Variants in PLAC8 observed in about 807,000 individuals in gnomAD.
PLAC8 encodes placenta associated 8, also known as placenta-specific gene 8 protein.
PLAC8 carries 6 observed loss-of-function variants against 12.6 expected under a neutral mutation model. The observed-to-expected ratio is 0.48, with a 90% confidence interval of 0.26 to 0.94. The LOEUF is 0.94. PLAC8 is among the 40% of genes least tolerant of loss of function. The probability of loss-of-function intolerance (pLI) is 0.14; values close to 1 mark genes in which losing one functional copy is unlikely to be tolerated. For synonymous variants in PLAC8, 54 were observed against 52.6 expected, an observed-to-expected ratio of 1.03 and a Z score of -0.11; for missense variants, 122 against 152.7, an observed-to-expected ratio of 0.80 and a Z score of 1.06.
At chr4:83,108,901 C>T (rs1283419323) in intron 1 of PLAC8, among the ~76,000 whole-genome samples, 1 of 152,202 alleles carries the variant, frequency 6.6e-6, no homozygotes, top group Non-Finnish European at 1.5e-5. Context: ...CCAGTCTTCC[C>T]ACTTCCTGAC....
chr4:83,112,186 A>AATT (rs1732436651), intron 1 of PLAC8, among the ~76,000 whole-genome samples: 4 of 106,636 alleles, frequency 3.8e-5, no homozygotes, highest in African/African-American at 1.5e-4. Context: ...AAAAAAAAAA[A>AATT]TTTATATATA....
At chr4:83,105,505 C>T (rs1732212853) in intron 2 of PLAC8, among the ~76,000 whole-genome samples, 1 of 152,148 alleles carries the variant, frequency 6.6e-6, no homozygotes, top group Non-Finnish European at 1.5e-5. Flanking sequence ...AGGAAAAGAG[C>T]CTCTTCGAGG....
chr4:83,092,563 T>C (rs1287888741), intron 4 of PLAC8, among the ~76,000 whole-genome samples: 3 of 150,950 alleles, frequency 2.0e-5, no homozygotes, highest in Non-Finnish European at 3.0e-5. Flanking sequence ...TTCTAAAGAG[T>C]AGTTCTATTC....
rs746946096 is a variant in PLAC8 at position 83,094,680 on chromosome 4, T to C, written c.*7A>G. 7.2e-6 allele frequency: 11 copies of C among 1,537,712 alleles called. No individual in the cohort carries two copies. In the African/African-American group the frequency reaches 1.2e-4, roughly 17 times the overall value. ...GAGGCATGTTTGCATTGACTCACCA[T>C]CAGTTTTTAGAAAGTACGCATGGCT... is the stretch of plus-strand genomic sequence containing the variant. On this transcript the variant is annotated splice_region_variant and 3_prime_UTR_variant, in exon 4 of 5. Transcript: ENST00000311507.
intron 2 of PLAC8, among the ~76,000 whole-genome samples, chr4:83,106,812 C>A (rs1732252930): frequency 6.6e-6 from 1 of 152,194 alleles, no homozygotes; most frequent in Non-Finnish European, 1.5e-5. Flanking sequence ...AAGCACCTTG[C>A]TCCTCGCTGC....
intron 3 of PLAC8, among the ~76,000 whole-genome samples, chr4:83,101,862 T>C (rs1488099840): frequency 6.6e-6 from 1 of 152,212 alleles, no homozygotes; most frequent in Non-Finnish European, 1.5e-5. Context: ...CTGTGCTCTA[T>C]AAATGGAACC....
chr4:83,095,557 A>G (rs1731904615), intron 3 of PLAC8, among the ~76,000 whole-genome samples: 1 of 152,272 alleles, frequency 6.6e-6, no homozygotes, highest in Non-Finnish European at 1.5e-5. Context: ...AATTAACCAT[A>G]TAACTATATG....
chr4:83,094,428 T>A, intron 4 of PLAC8: 1 of 339,108 alleles, frequency 2.9e-6, no homozygotes, highest in South Asian at 3.8e-5. Flanking sequence ...GCTTCCTTAA[T>A]AGATCACCAG....
chr4:83,099,596 G>C (rs943667838), intron 3 of PLAC8, among the ~76,000 whole-genome samples: 4 of 152,172 alleles, frequency 2.6e-5, no homozygotes, highest in Non-Finnish European at 5.9e-5. Flanking sequence ...AATCCCCAAT[G>C]TTGGAGGTGG....
intron 1 of PLAC8, among the ~76,000 whole-genome samples, chr4:83,114,325 C>A (rs1297136787): frequency 2.0e-5 from 3 of 152,112 alleles, no homozygotes; most frequent in Non-Finnish European, 4.4e-5. Context: ...AGTCAACATG[C>A]ATACATATTG....
chr4:83,098,240 G>C (rs1278072810), intron 3 of PLAC8, among the ~76,000 whole-genome samples: 1 of 152,106 alleles, frequency 6.6e-6, no homozygotes, highest in African/African-American at 2.4e-5. Flanking sequence ...GTTTGTAAAG[G>C]GTTGATCTTG....
intron 3 of PLAC8, 51 bp downstream of exon 3, chr4:83,104,845 T>A: frequency 6.3e-7 from 1 of 1,585,426 alleles, no homozygotes; most frequent in Non-Finnish European, 8.7e-7. Flanking sequence ...TTATAATAAT[T>A]ATTTTGAATG....
chr4:83,090,251 T>G lies in PLAC8; in HGVS notation c.*730A>C, dbSNP rs1332373567. The G allele has an allele frequency of 6.6e-6, 1 of 151,050 alleles. No individual in the cohort carries two copies. The highest frequency in any genetic ancestry group is 1.5e-5 in the Non-Finnish European group (1 of 67,872). The allele number at this position is 151,050 out of a possible 1,614,324, so 9.4% of individuals were successfully genotyped here. A position where few individuals can be genotyped will look rare whatever the true frequency, so the allele number is the denominator to read the frequency against. On this transcript the variant is annotated 3_prime_UTR_variant, in exon 5 of 5. Coordinates refer to ENST00000311507, the MANE Select transcript of PLAC8 (RefSeq NM_016619.3). ...CATAGAAAGACCCCCAACTCTAGGC[T>G]GGACGCGGTGGCTCATGCCTGTAAT...
At chr4:83,098,548 A>G (rs927340075) in intron 3 of PLAC8, among the ~76,000 whole-genome samples, 3 of 152,194 alleles carry the variant, frequency 2.0e-5, no homozygotes, top group Non-Finnish European at 4.4e-5. Flanking sequence ...CAAACATGAA[A>G]TTTGGTTTTC....
rs1348904554 is a variant in PLAC8 at position 83,090,477 on chromosome 4, G to C, written c.*504C>G. The C allele has an allele frequency of 7.7e-6, 1 of 130,262 alleles. No individual in the cohort carries two copies. Among genetic ancestry groups the C allele is most frequent in the Admixed American group, 9.2e-5 (1 of 10,858 alleles). 8.1% of individuals were successfully genotyped at this position (130,262 alleles called of 1,614,324 possible). On this transcript the variant is annotated 3_prime_UTR_variant, in exon 5 of 5. Coordinates refer to ENST00000311507, the MANE Select transcript of PLAC8 (RefSeq NM_016619.3). ...CAGGAGGTGGAGGTTGCAGTGAGCT[G>C]AGATCACGCCACTGCACTCCAGCCT... is the stretch of plus-strand genomic sequence containing the variant.
chr4:83,108,314 C>G (rs565574822), intron 1 of PLAC8, among the ~76,000 whole-genome samples: 2 of 152,040 alleles, frequency 1.3e-5, no homozygotes, highest in South Asian at 2.1e-4. Context: ...CGAACTGGGC[C>G]GGGCGCGGTG....
rs535603300 is a variant in PLAC8, at chr4:83,112,480, C to G, written c.-30+2186G>C. The stretch of plus-strand genomic sequence containing the variant: ...CAGAATGGGGGGCCCCAGGAGGTTT[C>G]TGATGCTATTGTAAGTTCCTTTCTA... On this transcript the variant is annotated intron_variant, in intron 1 of 4. Coordinates refer to ENST00000311507, the MANE Select transcript of PLAC8 (RefSeq NM_016619.3). Among the ~76,000 whole-genome samples the G allele has an allele frequency of 3.2e-4, 48 of 152,190 alleles. 1 individual carries two copies. Among genetic ancestry groups the G allele is most frequent in the African/African-American group, 1.1e-3 (47 of 41,514 alleles).
At chr4:83,100,934 T>C (rs77823404) in intron 3 of PLAC8, among the ~76,000 whole-genome samples, 2,983 of 152,202 alleles carry the variant, frequency 0.02, 113 homozygotes, top group African/African-American at 0.066. Context: ...ATAAAAATGA[T>C]AGGAAAGCAA....
In PLAC8 at chr4:83,104,478, TGAGTATC is replaced by T. The variant is rs1732188637; in HGVS notation, c.243+411_243+417del. On this transcript the variant is annotated intron_variant, in intron 3 of 4. Coordinates refer to ENST00000311507, the MANE Select transcript of PLAC8 (RefSeq NM_016619.3). The stretch of plus-strand genomic sequence containing the variant: ...AAGTGTATGAATGGACAGTTAGAAT[TGAGTATC>T]GACTCTTTCTCTACTATTATCTTTG... 2.6e-5 allele frequency among the ~76,000 whole-genome samples: 4 copies of T among 152,302 alleles called. No individual in the cohort carries two copies. The South Asian group carries it at 8.3e-4, about 32-fold the overall frequency.
Sources: gnomAD v4.1 joint callset for allele counts (sites outside exome capture counted in the v4.1 genomes callset) on GRCh38, gnomAD v4.1.1 for gene constraint, MANE v1.5 for transcripts, NCBI Gene and HGNC (gene_info 2026-07-23, HGNC 2026-07-21) for gene names.